Variants in KCNC4 observed in about 807,000 individuals in gnomAD.
KCNC4 encodes the protein potassium voltage-gated channel subfamily C member 4.
Under a neutral mutation model 42.8 loss-of-function variants are expected in KCNC4, and 23 were observed. The ratio of observed to expected loss-of-function variants is 0.54; its 90% CI spans 0.39 to 0.76. KCNC4 has a LOEUF of 0.76. KCNC4 is among the 30% of genes least tolerant of loss of function. The pLI, the probability that KCNC4 is intolerant of heterozygous loss-of-function variation, is 0.00. For missense variants in KCNC4, 751 were observed against 898.2 expected, an observed-to-expected ratio of 0.84 and a Z score of 2.10; for synonymous variants, 422 against 393.5, an observed-to-expected ratio of 1.07 and a Z score of -0.86.
chr1:110,283,298 C>T (rs764415389), downstream of KCNC4, among the ~76,000 whole-genome samples: 1 of 152,154 alleles, frequency 6.6e-6, no homozygotes, highest in Non-Finnish European at 1.5e-5. Context: ...TTTCAACATG[C>T]ATTTTGGTGG....
chr1:110,267,634 G>A (rs542292014), intron 1 of KCNC4, among the ~76,000 whole-genome samples: 16 of 152,252 alleles, frequency 1.1e-4, no homozygotes, highest in African/African-American at 3.4e-4. Flanking sequence ...AGCAAGATGC[G>A]AACCTCTACA....
At chr1:110,281,930 T>A (rs1324797868) in intron 1 of KCNC4, among the ~76,000 whole-genome samples, 1 of 152,156 alleles carries the variant, frequency 6.6e-6, no homozygotes, top group Non-Finnish European at 1.5e-5. Context: ...CATTTCCCAA[T>A]GTGTGAGCCG....
chr1:110,251,414 A>C (rs530771271), downstream of KCNC4, among the ~76,000 whole-genome samples: 2 of 151,276 alleles, frequency 1.3e-5, no homozygotes, highest in African/African-American at 2.4e-5. Context: ...TCCCCTGCAC[A>C]CTCTCTCTTG....
chr1:110,242,353 G>A (rs1280326503), exon 4 of KCNC4: 3 of 152,146 alleles, frequency 2.0e-5, no homozygotes, highest in Non-Finnish European at 2.9e-5. Context: ...CCAACTCTCC[G>A]AGTGCTAGTT....
chr1:110,263,329 T>G (rs552016340), intron 1 of KCNC4, among the ~76,000 whole-genome samples: 12 of 133,962 alleles, frequency 9.0e-5, no homozygotes, highest in Admixed American at 3.8e-4. Context: ...GCTTTAAAAA[T>G]ACATGAGAAT....
exon 4 of KCNC4, chr1:110,240,141 T>A (rs988659991): frequency 6.6e-6 from 1 of 152,164 alleles, no homozygotes; most frequent in African/African-American, 2.4e-5. Flanking sequence ...AAGAGAACCC[T>A]GGCCCGGTGT....
downstream of KCNC4, chr1:110,236,193 AT>A (rs1557866621): frequency 6.6e-6 from 1 of 152,194 alleles, no homozygotes; most frequent in Non-Finnish European, 1.5e-5. Flanking sequence ...GCGAACATTT[AT>A]TGAGTGCTGG....
At chr1:110,256,098 G>A (rs1167713090) in intron 1 of KCNC4, among the ~76,000 whole-genome samples, 1 of 152,190 alleles carries the variant, frequency 6.6e-6, no homozygotes, top group Non-Finnish European at 1.5e-5. Context: ...ACTCTTCTGG[G>A]TGGCACTGTA....
intron 1 of KCNC4, among the ~76,000 whole-genome samples, chr1:110,272,024 C>T (rs551160965): frequency 6.6e-6 from 1 of 152,304 alleles, no homozygotes; most frequent in Non-Finnish European, 1.5e-5. Context: ...TTGTGGACCT[C>T]TGATGACCTC....
exon 4 of KCNC4, chr1:110,248,311 A>C (rs1659190438): frequency 6.6e-6 from 1 of 152,240 alleles, no homozygotes; most frequent in Admixed American, 6.5e-5. Flanking sequence ...TTTAAATTAT[A>C]CCCCTGGTTC....
intron 1 of KCNC4, among the ~76,000 whole-genome samples, chr1:110,277,927 T>C (rs776626608): frequency 6.6e-6 from 1 of 152,202 alleles, no homozygotes; most frequent in Non-Finnish European, 1.5e-5. Flanking sequence ...TGAGGCAAGA[T>C]TGCTTGAGCC....
downstream of KCNC4, chr1:110,234,429 A>T (rs1658852360): frequency 1.3e-5 from 2 of 152,194 alleles, no homozygotes; most frequent in Non-Finnish European, 2.9e-5. Context: ...GACCCTGGGG[A>T]CGCCAAAGTT....
intron 1 of KCNC4, among the ~76,000 whole-genome samples, chr1:110,277,462 T>C (rs942522207): frequency 5.9e-5 from 9 of 152,226 alleles, no homozygotes; most frequent in Admixed American, 1.3e-4. Context: ...GTCCCTGAGA[T>C]AGCTCATCTG....
chr1:110,229,428 G>A (rs1253965714), intron 3 of KCNC4, among the ~76,000 whole-genome samples: 1 of 152,142 alleles, frequency 6.6e-6, no homozygotes. Context: ...AGATTCAGTG[G>A]TGACTCCCAC....
At chr1:110,217,279 G>A (rs1571028236) in intron 1 of KCNC4, among the ~76,000 whole-genome samples, 1 of 152,216 alleles carries the variant, frequency 6.6e-6, no homozygotes, top group East Asian at 1.9e-4. Context: ...GTGGGATGAG[G>A]TGTAGGAGGT....
chr1:110,215,394 G>A (rs917405279), intron 1 of KCNC4, among the ~76,000 whole-genome samples: 3 of 152,296 alleles, frequency 2.0e-5, no homozygotes, highest in East Asian at 1.9e-4. Context: ...GGGGCCCAGT[G>A]GAGGTTTGGC....
intron 1 of KCNC4, among the ~76,000 whole-genome samples, chr1:110,268,476 G>C (rs952960465): frequency 7.2e-5 from 11 of 151,734 alleles, no homozygotes; most frequent in Non-Finnish European, 1.3e-4. Flanking sequence ...CGTGGTGGCG[G>C]GCGCCTGTAG....
chr1:110,250,885 GAAGCCTCAAGCCCATGGACTGCCTTA>G (rs1451419204), downstream of KCNC4, among the ~76,000 whole-genome samples: 2 of 152,180 alleles, frequency 1.3e-5, no homozygotes, highest in East Asian at 3.8e-4. Context: ...GGCTGTTCCT[GAAGCCTCAAGCCCATGGACTGCCTTA>G]AAGCCCTGGC....
At chr1:110,253,865 G>A (rs1319018089), downstream of KCNC4, among the ~76,000 whole-genome samples, 1 of 152,134 alleles carries the variant, frequency 6.6e-6, no homozygotes, top group African/African-American at 2.4e-5. Context: ...CTAGGCTGAA[G>A]TCCTGGTCAA....
Sources: allele counts gnomAD v4.1 joint callset (sites outside exome capture counted in the v4.1 genomes callset), GRCh38; gene constraint gnomAD v4.1.1; transcripts MANE v1.5; gene names NCBI Gene and HGNC (gene_info 2026-07-23, HGNC 2026-07-21).